The following CSMD1 variants were observed in gnomAD, a reference collection of about 807,000 sequenced individuals.
CSMD1 encodes CUB and Sushi multiple domains 1.
A neutral mutation model predicts 417.5 loss-of-function variants in CSMD1; 213 were observed. The ratio of observed to expected loss-of-function variants is 0.51; its 90% confidence interval spans 0.46 to 0.57. The LOEUF (loss-of-function observed/expected upper bound fraction) is 0.57, where lower values mean the gene tolerates loss of function less well. CSMD1 is among the 20% of genes least tolerant of loss of function. The pLI is 0.00. For synonymous variants in CSMD1, 2,862 were observed against 1,736.8 expected, an observed-to-expected ratio of 1.65 and a Z score of -16.11; for missense variants, 6,923 against 4,529.7, an observed-to-expected ratio of 1.53 and a Z score of -15.17.
chr8:3,342,154 G>A lies in CSMD1; in HGVS notation c.3631+1140C>T, dbSNP rs182322017. ...GGTATTATCACAAAGGTGAAAAACTGGTTTCCTCATGATTTCAGCCACACT... is the reference window on the plus strand; with the variant it reads ...GGTATTATCACAAAGGTGAAAAACTAGTTTCCTCATGATTTCAGCCACACT... On this transcript the variant is annotated intron_variant, in intron 23 of 69. Transcript: ENST00000635120. Among the ~76,000 whole-genome samples the A allele has an allele frequency of 7.2e-5, 11 of 152,256 alleles. No individual in the cohort carries two copies. The East Asian group carries it at 1.9e-3, about 27-fold the overall frequency.
intron 1 of CSMD1, among the ~76,000 whole-genome samples, chr8:4,868,295 G>A (rs960500763): frequency 2.6e-5 from 4 of 151,970 alleles, no homozygotes; most frequent in South Asian, 2.1e-4. Flanking sequence ...GAGCAGTGGC[G>A]CGATCTCGGC....
intron 9 of CSMD1, among the ~76,000 whole-genome samples, chr8:3,576,311 G>A (rs570207274): frequency 1.2e-4 from 18 of 149,170 alleles, no homozygotes; most frequent in Admixed American, 9.9e-4. Context: ...TACAAATCAT[G>A]GCTATTCCTC....
At chr8:3,394,549 G>A (rs75154356) in intron 17 of CSMD1, among the ~76,000 whole-genome samples, 10,102 of 151,988 alleles carry the variant, frequency 0.066, 421 homozygotes, top group East Asian at 0.17. Context: ...TCTAATATTT[G>A]TCAATGCCTG....
intron 5 of CSMD1, among the ~76,000 whole-genome samples, chr8:3,813,579 G>A (rs1028881434): frequency 6.6e-6 from 1 of 151,994 alleles, no homozygotes; most frequent in African/African-American, 2.4e-5. Flanking sequence ...AATTTAACAA[G>A]AATTTTAAGA....
intron 52 of CSMD1, among the ~76,000 whole-genome samples, chr8:3,003,735 T>A (rs906789147): frequency 1.3e-5 from 2 of 151,264 alleles, no homozygotes; most frequent in Admixed American, 1.3e-4. Flanking sequence ...TGGGAACGAG[T>A]GGAAGGAACA....
At chr8:2,985,851 G>A (rs1024978518) in intron 54 of CSMD1, among the ~76,000 whole-genome samples, 1 of 151,398 alleles carries the variant, frequency 6.6e-6, no homozygotes, top group Non-Finnish European at 1.5e-5. Flanking sequence ...GCTCCAGGAG[G>A]CCCCAGTGGC....
chr8:3,852,321 G>A (rs980212781), intron 5 of CSMD1, among the ~76,000 whole-genome samples: 4 of 152,074 alleles, frequency 2.6e-5, no homozygotes, highest in African/African-American at 9.7e-5. Flanking sequence ...TTTGTAGGGA[G>A]CAAGGGAGAA....
At chr8:3,635,691 G>A (rs377124111) in intron 7 of CSMD1, among the ~76,000 whole-genome samples, 1 of 149,820 alleles carries the variant, frequency 6.7e-6, no homozygotes, top group Non-Finnish European at 1.5e-5. Flanking sequence ...CACTGTGTTA[G>A]CCAGGATGGT....
chr8:3,565,908 G>A (rs1029804622), intron 10 of CSMD1, among the ~76,000 whole-genome samples: 4 of 151,916 alleles, frequency 2.6e-5, no homozygotes, highest in Non-Finnish European at 5.9e-5. Context: ...AGATTTTCCT[G>A]CTTCCAGTTT....
intron 12 of CSMD1, among the ~76,000 whole-genome samples, chr8:3,419,857 A>T (rs1219006706): frequency 6.6e-6 from 1 of 152,328 alleles, no homozygotes; most frequent in East Asian, 1.9e-4. Context: ...GCAGGATAGC[A>T]AAGTGAGTAG....
chr8:3,312,446 A>G (rs922795308), intron 23 of CSMD1, among the ~76,000 whole-genome samples: 1 of 152,176 alleles, frequency 6.6e-6, no homozygotes, highest in Non-Finnish European at 1.5e-5. Flanking sequence ...TCTTTTTATA[A>G]AATACATTCC....
At chr8:3,429,442 A>T (rs761076632) in intron 12 of CSMD1, among the ~76,000 whole-genome samples, 13 of 152,190 alleles carry the variant, frequency 8.5e-5, no homozygotes, top group Non-Finnish European at 1.0e-4. Flanking sequence ...AATGGAAGCC[A>T]TGTCCAAAGC....
intron 21 of CSMD1, among the ~76,000 whole-genome samples, chr8:3,357,101 C>A (rs1272883289): frequency 6.6e-6 from 1 of 152,016 alleles, no homozygotes. Context: ...CGGCCAGAAT[C>A]CTCCAGAGCT....
At chr8:4,761,903 CTATCTATCAATCTATCTAT>C (rs1563319608) in intron 1 of CSMD1, among the ~76,000 whole-genome samples, 19 of 98,170 alleles carry the variant, frequency 1.9e-4, no homozygotes, top group South Asian at 1.4e-3. Context: ...ACCTATCTAT[CTATCTATCAATCTATCTAT>C]CTATCTATCT....
At chr8:3,148,274 G>C (rs1489746237) in intron 40 of CSMD1, among the ~76,000 whole-genome samples, 2 of 152,200 alleles carry the variant, frequency 1.3e-5, no homozygotes, top group Non-Finnish European at 2.9e-5. Context: ...AAGTGCAGAT[G>C]TCTGAGCTTA....
chr8:4,315,527 T>G (rs1465650186), intron 3 of CSMD1, among the ~76,000 whole-genome samples: 1 of 152,150 alleles, frequency 6.6e-6, no homozygotes, highest in South Asian at 2.1e-4. Flanking sequence ...AAAATTAGAT[T>G]TCTAGAAATT....
intron 2 of CSMD1, among the ~76,000 whole-genome samples, chr8:4,559,265 C>T (rs1412771423): frequency 6.6e-6 from 1 of 152,096 alleles, no homozygotes; most frequent in African/African-American, 2.4e-5. Flanking sequence ...AACAAAAGTC[C>T]AAACTTAAAT....
At position 3,571,695 on chromosome 8, in the gene CSMD1, C is replaced by T. The variant is rs556235614; in HGVS notation, c.1344+3250G>A. 2.0e-5 allele frequency among the ~76,000 whole-genome samples: 3 copies of T among 152,134 alleles called. No individual in the cohort carries two copies. In the South Asian group the frequency reaches 6.2e-4, roughly 32 times the overall value. On this transcript the variant is annotated intron_variant, in intron 10 of 69. Coordinates refer to ENST00000635120, the MANE Select transcript of CSMD1 (RefSeq NM_033225.6). ...GGTCCTGTGTTCCTCCCTCCCCATG[C>T]TTGAGGGTCTTGTGTTCCTCCGTCC... is the stretch of plus-strand genomic sequence containing the variant.
At chr8:4,094,227 C>T (rs550131907) in intron 3 of CSMD1, among the ~76,000 whole-genome samples, 25 of 152,036 alleles carry the variant, frequency 1.6e-4, no homozygotes, top group African/African-American at 5.1e-4. Context: ...TAGCTGCCCT[C>T]GTAACCTGGA....
Sources: gnomAD v4.1 joint callset for allele counts (sites outside exome capture counted in the v4.1 genomes callset) on GRCh38, gnomAD v4.1.1 for gene constraint, MANE v1.5 for transcripts, NCBI Gene and HGNC (gene_info 2026-07-23, HGNC 2026-07-21) for gene names.